Variants in RBFOX1 observed in about 807,000 individuals in gnomAD.
RBFOX1 encodes RNA binding fox-1 homolog 1.
RBFOX1 carries 8 observed loss-of-function variants against 57.7 expected under a neutral mutation model. The ratio of observed to expected loss-of-function variants is 0.14; its 90% confidence interval spans 0.08 to 0.25. The LOEUF is 0.25. Ranked by LOEUF, RBFOX1 falls within the 10% of genes least tolerant of loss-of-function variation. The pLI is 1.00. For synonymous variants in RBFOX1, 326 were observed against 222.4 expected, an observed-to-expected ratio of 1.47 and a Z score of -4.15; for missense variants, 611 against 548.5, an observed-to-expected ratio of 1.11 and a Z score of -1.14.
intron 4 of RBFOX1, among the ~76,000 whole-genome samples, chr16:7,226,392 G>A (rs1228523046): frequency 6.6e-6 from 1 of 152,312 alleles, no homozygotes. Context: ...AGGTGTAAGG[G>A]ACTAATGTCC....
At chr16:6,559,820 A>T (rs78144012) in intron 2 of RBFOX1, among the ~76,000 whole-genome samples, 3 of 152,108 alleles carry the variant, frequency 2.0e-5, no homozygotes, top group Non-Finnish European at 4.4e-5. Context: ...AAAGACGACA[A>T]ACTGAAGTTG....
intron 3 of RBFOX1, among the ~76,000 whole-genome samples, chr16:6,999,206 A>ATTTTATTTTATTTTATTTTATTTTTTT (rs1568299754): frequency 1.4e-5 from 1 of 72,126 alleles, no homozygotes; most frequent in African/African-American, 6.0e-5. Context: ...TTTATTTTTT[A>ATTTTATTTTATTTTATTTTATTTTTTT]TTTTTATTTA....
chr16:5,691,936 T>A (rs2050692727), intron 3 of RBFOX1, among the ~76,000 whole-genome samples: 1 of 152,188 alleles, frequency 6.6e-6, no homozygotes. Context: ...TTTGTGGTCA[T>A]CTTGCTGTGA....
chr16:5,746,536 G>A (rs938033748), intron 3 of RBFOX1, among the ~76,000 whole-genome samples: 2 of 152,144 alleles, frequency 1.3e-5, no homozygotes, highest in Admixed American at 6.5e-5. Flanking sequence ...GGGCAGTATG[G>A]CCATCTTCAC....
intron 1 of RBFOX1, among the ~76,000 whole-genome samples, chr16:5,435,941 G>C (rs1250523162): frequency 6.6e-6 from 1 of 152,188 alleles, no homozygotes; most frequent in African/African-American, 2.4e-5. Context: ...ACACACCTTT[G>C]ATTACTTCCT....
intron 4 of RBFOX1, among the ~76,000 whole-genome samples, chr16:7,285,860 G>A (rs189452358): frequency 6.6e-6 from 1 of 152,158 alleles, no homozygotes; most frequent in Admixed American, 6.5e-5. Context: ...GCAGGGTTTT[G>A]TGTGAACACA....
Position 5,890,587 on chromosome 16 carries a change from C to G in RBFOX1, c.351+23252C>G, listed in dbSNP as rs142225080. ...TGGCTTGTGCCTGTAATCTCAGCTA[C>G]TCCAGAGGCTGAAGCAGGAGAATCG... On this transcript the variant is annotated intron_variant, in intron 4 of 19. Transcript: ENST00000641259. Among the ~76,000 whole-genome samples, 1,172 of 151,700 alleles carry G rather than the reference C, an allele frequency of 7.7e-3. 18 individuals carry two copies. The highest frequency in any genetic ancestry group is 0.027 in the African/African-American group (1,106 of 41,328).
chr16:7,638,884 A>G (rs1210597508), intron 11 of RBFOX1, among the ~76,000 whole-genome samples: 2 of 152,096 alleles, frequency 1.3e-5, no homozygotes, highest in Non-Finnish European at 2.9e-5. Context: ...AGGACAGAAC[A>G]TGGTGGCTGG....
intron 3 of RBFOX1, among the ~76,000 whole-genome samples, chr16:6,736,848 A>G (rs2070468069): frequency 6.6e-6 from 1 of 152,136 alleles, no homozygotes; most frequent in Admixed American, 6.5e-5. Context: ...TACCCTGGAA[A>G]GTGGGATACC....
At chr16:7,054,218 G>GA (rs1005206606) in intron 4 of RBFOX1, among the ~76,000 whole-genome samples, 6 of 104,922 alleles carry the variant, frequency 5.7e-5, no homozygotes, top group Admixed American at 1.0e-4. Context: ...TTTTTCGGGG[G>GA]GGGGGGGCGG....
chr16:5,545,352 G>A (rs1235639719), intron 2 of RBFOX1, among the ~76,000 whole-genome samples: 3 of 152,100 alleles, frequency 2.0e-5, no homozygotes, highest in Non-Finnish European at 4.4e-5. Flanking sequence ...GAAGAGGAAA[G>A]ATTATTTTAG....
chr16:6,371,181 G>A (rs961227690), intron 2 of RBFOX1, among the ~76,000 whole-genome samples: 3 of 152,084 alleles, frequency 2.0e-5, no homozygotes, highest in Non-Finnish European at 1.5e-5. Context: ...ACATAGTTTG[G>A]GGGTGGGAGG....
intron 3 of RBFOX1, among the ~76,000 whole-genome samples, chr16:6,801,401 C>G (rs944102292): frequency 6.6e-6 from 1 of 151,996 alleles, no homozygotes; most frequent in African/African-American, 2.4e-5. Context: ...AGTTCCTTTC[C>G]CTTGGGAACT....
rs911665333 is a variant in RBFOX1 at position 7,272,011 on chromosome 16, T to C, written c.27+219913T>C. Among the ~76,000 whole-genome samples, 112 of 152,146 alleles carry C rather than the reference T, an allele frequency of 7.4e-4. 1 individual carries two copies. Among genetic ancestry groups the C allele is most frequent in the Admixed American group, 7.1e-3 (108 of 15,270 alleles). On this transcript the variant is annotated intron_variant, in intron 4 of 15. Transcript: ENST00000550418. ...GGACCTCTTTGAAGTCATCATAGTGTTTTTGGGAATAGAGAATACCACTTT... is the reference window on the plus strand; with the variant it reads ...GGACCTCTTTGAAGTCATCATAGTGCTTTTGGGAATAGAGAATACCACTTT...
intron 3 of RBFOX1, among the ~76,000 whole-genome samples, chr16:6,850,930 A>C (rs1246550902): frequency 6.6e-6 from 1 of 152,212 alleles, no homozygotes; most frequent in Non-Finnish European, 1.5e-5. Flanking sequence ...GCAAATGTTC[A>C]CTGCAGCTTT....
chr16:7,571,207 AAGG>A (rs1442724681), intron 5 of RBFOX1, among the ~76,000 whole-genome samples: 1 of 127,934 alleles, frequency 7.8e-6, no homozygotes, highest in African/African-American at 2.7e-5. Context: ...TCCAGAACTT[AAGG>A]AAGAAAAAAA....
At chr16:6,584,434 C>G (rs918282507) in intron 2 of RBFOX1, among the ~76,000 whole-genome samples, 2 of 150,838 alleles carry the variant, frequency 1.3e-5, no homozygotes, top group African/African-American at 4.9e-5. Flanking sequence ...GTGGCATGAT[C>G]TTAGCACACT....
chr16:5,845,678 A>G (rs2056738365), intron 3 of RBFOX1, among the ~76,000 whole-genome samples: 1 of 152,218 alleles, frequency 6.6e-6, no homozygotes, highest in African/African-American at 2.4e-5. Flanking sequence ...ATGTAAATTA[A>G]TTAAGATGAA....
intron 3 of RBFOX1, among the ~76,000 whole-genome samples, chr16:7,041,490 T>C (rs2046176734): frequency 6.6e-6 from 1 of 152,230 alleles, no homozygotes; most frequent in African/African-American, 2.4e-5. Context: ...GGGTCTGTTC[T>C]GTGACAAGCG....
Sources: gnomAD v4.1 joint callset for allele counts (sites outside exome capture counted in the v4.1 genomes callset) on GRCh38, gnomAD v4.1.1 for gene constraint, MANE v1.5 for transcripts, NCBI Gene and HGNC (gene_info 2026-07-23, HGNC 2026-07-21) for gene names.